ADAMTS17: variants seen among roughly 807,000 people sequenced by gnomAD.
ADAMTS17 encodes the protein A disintegrin and metalloproteinase with thrombospondin motifs 17.
ADAMTS17 carries 113 observed loss-of-function variants against 141.5 expected under a neutral mutation model. The ratio of observed to expected loss-of-function variants is 0.80; its 90% CI spans 0.69 to 0.93. The LOEUF is 0.93. ADAMTS17 is among the 40% of genes least tolerant of loss of function. ADAMTS17 has a pLI of 0.00. For synonymous variants in ADAMTS17, 768 were observed against 630.6 expected, an observed-to-expected ratio of 1.22 and a Z score of -3.27; for missense variants, 1,659 against 1,517.9, an observed-to-expected ratio of 1.09 and a Z score of -1.54.
At chr15:100,149,786 T>A (rs922891160) in intron 10 of ADAMTS17, among the ~76,000 whole-genome samples, 2 of 152,232 alleles carry the variant, frequency 1.3e-5, no homozygotes, top group African/African-American at 4.8e-5. Context: ...ACACCTCCTA[T>A]CTTTTGCTGA....
chr15:100,008,628 AAG>A (rs2061088746), intron 18 of ADAMTS17, among the ~76,000 whole-genome samples: 1 of 152,208 alleles, frequency 6.6e-6, no homozygotes, highest in Admixed American at 6.5e-5. Flanking sequence ...GCATCCTGAC[AAG>A]GAGCCCAGCC....
At chr15:100,234,781 C>A (rs916439785) in intron 7 of ADAMTS17, among the ~76,000 whole-genome samples, 1 of 152,182 alleles carries the variant, frequency 6.6e-6, no homozygotes, top group Non-Finnish European at 1.5e-5. Flanking sequence ...ACCTTCCATT[C>A]CATCAGCAGC....
At position 100,341,935 on chromosome 15, in the gene ADAMTS17, G is replaced by A. The variant is rs1381772028; in HGVS notation, c.-36C>T. On this transcript the variant is annotated 5_prime_UTR_variant, in exon 1 of 22. Coordinates refer to ENST00000268070, the MANE Select transcript of ADAMTS17 (RefSeq NM_139057.4). ...ACCGGCAGCCCCCCCGGACCGTGGCGGCGAAGCAGGAGCGCGCTAGGCGGC... is the reference window on the plus strand; with the variant it reads ...ACCGGCAGCCCCCCCGGACCGTGGCAGCGAAGCAGGAGCGCGCTAGGCGGC... The A allele has an allele frequency of 3.9e-6, 6 of 1,547,890 alleles. No individual in the cohort carries two copies. The highest frequency in any genetic ancestry group is 1.7e-4 in the Middle Eastern group (1 of 5,928).
intron 3 of ADAMTS17, among the ~76,000 whole-genome samples, chr15:100,302,106 C>T (rs7173994): frequency 0.52 from 79,524 of 151,986 alleles, 21,330 homozygotes; most frequent in South Asian, 0.66. Flanking sequence ...GCCTAAGAAA[C>T]CATTAATCTT....
chr15:100,067,791 T>C (rs2033649678), intron 15 of ADAMTS17, among the ~76,000 whole-genome samples: 2 of 152,080 alleles, frequency 1.3e-5, no homozygotes, highest in Non-Finnish European at 2.9e-5. Flanking sequence ...GATGGCCGAA[T>C]AGGAACAGCT....
At chr15:100,162,928 CTATATATGTATATATTTGTGTATATATA>C (rs1567286028) in intron 8 of ADAMTS17, among the ~76,000 whole-genome samples, 1 of 136,692 alleles carries the variant, frequency 7.3e-6, no homozygotes, top group African/African-American at 2.7e-5. Flanking sequence ...ATATATATAA[CTATATATGTATATATTTGTGTATATATA>C]TAACTATATA....
chr15:100,109,591 C>G (rs188228017), intron 13 of ADAMTS17, among the ~76,000 whole-genome samples: 1 of 152,220 alleles, frequency 6.6e-6, no homozygotes, highest in African/African-American at 2.4e-5. Context: ...CCCCTAGCTG[C>G]TGGGTGACAG....
chr15:100,269,760 C>T (rs1031701598), intron 4 of ADAMTS17, among the ~76,000 whole-genome samples: 2 of 152,184 alleles, frequency 1.3e-5, no homozygotes, highest in African/African-American at 4.8e-5. Flanking sequence ...CCTCACCTGA[C>T]CTTAGCCTTC....
chr15:100,155,357 C>G, intron 8 of ADAMTS17, 37 bp from the exon 9 acceptor site: 1 of 1,601,334 alleles, frequency 6.2e-7, no homozygotes, highest in East Asian at 2.3e-5. Context: ...GCTTATGCTA[C>G]AAGCTTCTCA....
At chr15:100,082,022 C>G (rs566439584) in intron 15 of ADAMTS17, among the ~76,000 whole-genome samples, 4 of 152,258 alleles carry the variant, frequency 2.6e-5, no homozygotes, top group Admixed American at 2.6e-4. Flanking sequence ...CAAAAATTGT[C>G]AGTCTATCAG....
intron 7 of ADAMTS17, among the ~76,000 whole-genome samples, chr15:100,248,079 A>G (rs1179964083): frequency 6.6e-6 from 1 of 152,082 alleles, no homozygotes; most frequent in African/African-American, 2.4e-5. Flanking sequence ...GCTGGGCCCC[A>G]GCGCACAGAC....
At chr15:100,197,909 C>T (rs2041180930) in intron 8 of ADAMTS17, among the ~76,000 whole-genome samples, 1 of 152,188 alleles carries the variant, frequency 6.6e-6, no homozygotes, top group African/African-American at 2.4e-5. Flanking sequence ...TCATCCTCAG[C>T]AAACTAACCC....
chr15:100,008,856 T>C (rs1302948550), intron 18 of ADAMTS17, among the ~76,000 whole-genome samples: 1 of 152,202 alleles, frequency 6.6e-6, no homozygotes, highest in Non-Finnish European at 1.5e-5. Context: ...CGTTTGTTTC[T>C]GAGACTGGAT....
chr15:100,332,348 G>A (rs542251582), intron 2 of ADAMTS17, among the ~76,000 whole-genome samples: 5 of 152,316 alleles, frequency 3.3e-5, no homozygotes, highest in East Asian at 1.9e-4. Context: ...TGCGCGATGC[G>A]GCCTCGGTGC....
At chr15:100,116,219 G>T (rs1038393241) in intron 13 of ADAMTS17, among the ~76,000 whole-genome samples, 1 of 148,472 alleles carries the variant, frequency 6.7e-6, no homozygotes, top group Non-Finnish European at 1.5e-5. Context: ...TAATTAAGCA[G>T]ACATTACAAA....
At chr15:99,978,246 G>C (rs900154962) in intron 20 of ADAMTS17, among the ~76,000 whole-genome samples, 32 of 152,210 alleles carry the variant, frequency 2.1e-4, no homozygotes, top group Non-Finnish European at 4.3e-4. Context: ...GGGGGCTTCT[G>C]CAAGCCAGGT....
At chr15:100,168,877 T>G (rs1334512659) in intron 8 of ADAMTS17, among the ~76,000 whole-genome samples, 1 of 152,246 alleles carries the variant, frequency 6.6e-6, no homozygotes, top group South Asian at 2.1e-4. Context: ...CTCCCGTTGA[T>G]GTCCCTGATT....
intron 10 of ADAMTS17, among the ~76,000 whole-genome samples, chr15:100,140,965 G>A (rs2038616060): frequency 6.6e-6 from 1 of 152,196 alleles, no homozygotes; most frequent in South Asian, 2.1e-4. Flanking sequence ...AACACACAAA[G>A]GGCGGCTGCC....
At chr15:100,234,281 GCCA>G (rs1311763577) in intron 7 of ADAMTS17, among the ~76,000 whole-genome samples, 9 of 152,318 alleles carry the variant, frequency 5.9e-5, no homozygotes, top group Admixed American at 2.0e-4. Flanking sequence ...AAAACTCGCA[GCCA>G]CCGTTTTCCA....
Sources: gnomAD v4.1 joint callset for allele counts (sites outside exome capture counted in the v4.1 genomes callset) on GRCh38, gnomAD v4.1.1 for gene constraint, MANE v1.5 for transcripts, NCBI Gene and HGNC (gene_info 2026-07-23, HGNC 2026-07-21) for gene names.